ANKRD9: variants seen among roughly 807,000 people sequenced by gnomAD.
ANKRD9 encodes the protein ankyrin repeat domain-containing protein 9.
A neutral mutation model predicts 19.2 loss-of-function variants in ANKRD9; 13 were observed. The ratio of observed to expected loss-of-function variants is 0.68; its 90% CI spans 0.44 to 1.08. The LOEUF (loss-of-function observed/expected upper bound fraction) is 1.08. Among genes scored for constraint, ANKRD9 ranks in the 50% least tolerant of loss-of-function variants. ANKRD9 has a pLI of 0.00. For synonymous variants in ANKRD9, 278 were observed against 256.8 expected (o/e 1.08, Z -0.79); for missense variants, 518 against 499.9 (o/e 1.04, Z -0.34).
In ANKRD9 at chr14:102,508,054, T is replaced by A; in HGVS notation, c.-53-112A>T. The A allele has an allele frequency of 1.4e-6, 1 of 728,936 alleles. No homozygotes were observed. The highest frequency in any genetic ancestry group is 1.7e-6 in the Non-Finnish European group (1 of 578,332). 45.2% of individuals were successfully genotyped at this position (728,936 alleles called of 1,614,324 possible). Reference sequence around the variant, plus strand: ...GGTCCTGGCCCACCAGGCCTGTACCTACCTCCAGCCTCGGCCAGGCCCTTC... The same window carrying A: ...GGTCCTGGCCCACCAGGCCTGTACCAACCTCCAGCCTCGGCCAGGCCCTTC... On this transcript the variant is annotated intron_variant, in intron 3 of 3. Transcript: ENST00000286918. This position sits in a 1 kb window ranked among gnomAD's most constrained non-coding sequence, Gnocchi z 6.2.
In ANKRD9 at chr14:102,505,361, G is replaced by A. The variant is rs1284938104; in HGVS notation, c.*1575C>T. ...ATGCCCCAAGAATTGGGCTTGGAAA[G>A]ATGTTAATATCCACTGCCCCAAGTG... On this transcript the variant is annotated 3_prime_UTR_variant, in exon 4 of 4. Transcript: ENST00000286918. The A allele has an allele frequency of 6.6e-6, 1 of 152,098 alleles. No individual in the cohort carries two copies. Among genetic ancestry groups the A allele is most frequent in the East Asian group, 1.9e-4 (1 of 5,178 alleles). The allele number at this position is 152,098 out of a possible 1,614,324, so 9.4% of individuals were successfully genotyped here. A position where few individuals can be genotyped will look rare whatever the true frequency, so the allele number is the denominator to read the frequency against.
Position 102,503,975 on chromosome 14 carries a change from G to C in ANKRD9, c.*2961C>G, listed in dbSNP as rs1891515170. 1 of 152,324 alleles carries C rather than the reference G, an allele frequency of 6.6e-6. No individual in the cohort carries two copies. The highest frequency in any genetic ancestry group is 2.4e-5 in the African/African-American group (1 of 41,458). 9.4% of individuals were successfully genotyped at this position (152,324 alleles called of 1,614,324 possible). ...ACTATCAGGATGAAGTCAGCACGCA[G>C]AGCAAGGCCAGCGAGGCCCAGGCGC... On this transcript the variant is annotated 3_prime_UTR_variant, in exon 4 of 4. Coordinates refer to ENST00000286918, the MANE Select transcript of ANKRD9 (RefSeq NM_152326.4).
rs78049369 is a variant in ANKRD9 at position 102,504,826 on chromosome 14, C to T, written c.*2110G>A. 0.011 allele frequency: 1,673 copies of T among 152,516 alleles called. 38 individuals carry two copies. Among genetic ancestry groups the T allele is most frequent in the African/African-American group, 0.038 (1,581 of 41,578 alleles). The allele number at this position is 152,516 out of a possible 1,614,324, so 9.4% of individuals were successfully genotyped here. On this transcript the variant is annotated 3_prime_UTR_variant, in exon 4 of 4. Coordinates refer to ENST00000286918, the MANE Select transcript of ANKRD9 (RefSeq NM_152326.4). ...CCTGCTGCAGTGCCCATAATTCTTC[C>T]GGCAGGCCCCGCCCTGCACTCCACG...
rs969079149 is a variant in ANKRD9, at chr14:102,502,898, A to G, written c.*4038T>C. ...CAATCCCCAGTGTTCTACAGTGAAC[A>G]TGAATTTTATAAGCAGAAAGAAATT... On this transcript the variant is annotated 3_prime_UTR_variant, in exon 4 of 4. Transcript: ENST00000286918. The G allele has an allele frequency of 2.0e-5, 3 of 152,216 alleles. No individual in the cohort carries two copies. Among genetic ancestry groups the G allele is most frequent in the African/African-American group, 7.2e-5 (3 of 41,444 alleles). The allele number at this position is 152,216 out of a possible 1,614,324, so 9.4% of individuals were successfully genotyped here. A position where few individuals can be genotyped will look rare whatever the true frequency, so the allele number is the denominator to read the frequency against.
Position 102,507,052 on chromosome 14 carries a change from C to A in ANKRD9, c.838G>T (p.Ala280Ser), listed in dbSNP as rs746651118. The A allele has an allele frequency of 5.1e-6, 8 of 1,569,612 alleles. No homozygotes were observed. The South Asian group carries it at 8.1e-5, about 16-fold the overall frequency. Reference sequence around the variant, plus strand: ...GTGACCAGCACCTGCATGGCGCGCGCGAAGAGCGAGGGCGGCGCCAGGCCC... The same window carrying A: ...GTGACCAGCACCTGCATGGCGCGCGAGAAGAGCGAGGGCGGCGCCAGGCCC... Reference protein sequence around the residue: ...LAGLAPPSLFARAMQVLVTAI... With the variant: ...LAGLAPPSLFSRAMQVLVTAI... Residue 280 changes from alanine (A) to serine (S), a missense_variant, in exon 4 of 4, where the codon GCG becomes TCG. Coordinates refer to ENST00000286918, the MANE Select transcript of ANKRD9 (RefSeq NM_152326.4). This position sits in a 1 kb window ranked among gnomAD's most constrained non-coding sequence, Gnocchi z 9.2.
rs1203289521 is a variant in ANKRD9 at position 102,505,613 on chromosome 14, A to G, written c.*1323T>C. On this transcript the variant is annotated 3_prime_UTR_variant, in exon 4 of 4. Transcript: ENST00000286918. The stretch of plus-strand genomic sequence containing the variant: ...ATGGCCCAAAACCTCCTGAATGGAA[A>G]AACCTTGATGGGGAGACTGAGGGCC... 1 of 152,276 alleles carries G rather than the reference A, an allele frequency of 6.6e-6. No individual in the cohort carries two copies. The highest frequency in any genetic ancestry group is 1.5e-5 in the Non-Finnish European group (1 of 68,088). 9.4% of individuals were successfully genotyped at this position (152,276 alleles called of 1,614,324 possible).
In ANKRD9 at chr14:102,507,549, C is replaced by A. The variant is rs762956615; in HGVS notation, c.341G>T (p.Gly114Val). 15 of 1,342,498 alleles carry A rather than the reference C, an allele frequency of 1.1e-5. 1 individual carries two copies. In the African/African-American group the frequency reaches 2.0e-4, roughly 18 times the overall value. 83.2% of individuals were successfully genotyped at this position (1,342,498 alleles called of 1,614,324 possible). ...SAGFRCCAAP[G>V]PHVALAVRYN... is the part of the protein sequence containing the mutation. ...GCGCACTGCCAGCGCCACGTGCGGCCCGGGAGCCGCGCAGCAGCGGAAGCC... is the reference window on the plus strand; with the variant it reads ...GCGCACTGCCAGCGCCACGTGCGGCACGGGAGCCGCGCAGCAGCGGAAGCC... The change falls in exon 4 of 4, where the codon GGG (glycine) becomes GTG (valine). Residue 114 changes from glycine (G) to valine (V), a missense_variant. Physicochemically the swap from Gly to Val is moderately radical, Grantham distance 109. Transcript: ENST00000286918. The surrounding 1 kb of genome is among the most constrained non-coding windows in gnomAD (Gnocchi z 9.2).
In ANKRD9 at chr14:102,503,689, C is replaced by T. The variant is rs1224280386; in HGVS notation, c.*3247G>A. On this transcript the variant is annotated 3_prime_UTR_variant, in exon 4 of 4. Transcript: ENST00000286918. ...GCATTTTATTACATGTAAGTAACAC[C>T]TCAATCTGAAAAGTATCAGGGCAAC... The T allele has an allele frequency of 1.3e-5, 2 of 152,102 alleles. No homozygotes were observed. Among genetic ancestry groups the T allele is most frequent in the African/African-American group, 4.8e-5 (2 of 41,396 alleles). The allele number at this position is 152,102 out of a possible 1,614,324, so 9.4% of individuals were successfully genotyped here.
In ANKRD9 at chr14:102,507,751, C is replaced by CGGGTAGCA; in HGVS notation, c.131_138dup (p.Val47CysfsTer280). On this transcript the variant is annotated frameshift_variant, in exon 4 of 4. Transcript: ENST00000286918. LOFTEE classifies it high-confidence loss of function. This position sits in a 1 kb window ranked among gnomAD's most constrained non-coding sequence, Gnocchi z 9.2. ...GCGCGCATATCCTCCAGCAGCCACA[C>CGGGTAGCA]GGGTAGCAGGTCGCGCACCGCCTGG... 7.4e-7 allele frequency: 1 copy of CGGGTAGCA among 1,352,720 alleles called. No homozygotes were observed. The highest frequency in any genetic ancestry group is 9.7e-7 in the Non-Finnish European group (1 of 1,032,154). 83.8% of individuals were successfully genotyped at this position (1,352,720 alleles called of 1,614,324 possible).
Position 102,507,363 on chromosome 14 carries a change from A to G in ANKRD9, c.527T>C (p.Phe176Ser). Residue 176 changes from phenylalanine (F) to serine (S), a missense_variant, in exon 4 of 4, where the codon TTC (phenylalanine) becomes TCC (serine). Physicochemically the swap from Phe to Ser is radical, Grantham distance 155. Transcript: ENST00000286918. This position sits in a 1 kb window ranked among gnomAD's most constrained non-coding sequence, Gnocchi z 9.2. ...ACELARPECL[F>S]LLLGHGASPG... The stretch of plus-strand genomic sequence containing the variant: ...CGAGGCGCCGTGGCCCAGCAGCAGG[A>G]AGAGGCACTCGGGGCGCGCCAGCTC... 7.5e-7 allele frequency: 1 copy of G among 1,332,910 alleles called. No individual in the cohort carries two copies. The highest frequency in any genetic ancestry group is 1.5e-5 in the South Asian group (1 of 66,796). 82.6% of individuals were successfully genotyped at this position (1,332,910 alleles called of 1,614,324 possible). A position where few individuals can be genotyped will look rare whatever the true frequency, so the allele number is the denominator to read the frequency against.
chr14:102,506,990 G>A lies in ANKRD9; in HGVS notation c.900C>T (p.Asp300=), dbSNP rs767807845. ...ISPGRFPEAL[D]ELPLPPFLQP... The stretch of plus-strand genomic sequence containing the variant: ...GCAGGAATGGGGGCAGCGGCAGCTC[G>A]TCCAGGGCCTCGGGGAAGCGGCCTG... Residue 300 remains aspartate (D), a synonymous_variant, in exon 4 of 4, where the codon GAC becomes GAT. Coordinates refer to ENST00000286918, the MANE Select transcript of ANKRD9 (RefSeq NM_152326.4). 1.9e-6 allele frequency: 3 copies of A among 1,575,050 alleles called. No homozygotes were observed. The highest frequency in any genetic ancestry group is 2.4e-5 in the East Asian group (1 of 41,776).
chr14:102,507,183 G>GCCAGGAGGT lies in ANKRD9; in HGVS notation c.698_706dup (p.Asp233_Leu235dup). 7.4e-7 allele frequency: 1 copy of GCCAGGAGGT among 1,343,972 alleles called. No homozygotes were observed. The highest frequency in any genetic ancestry group is 9.5e-7 in the Non-Finnish European group (1 of 1,052,874). 83.3% of individuals were successfully genotyped at this position (1,343,972 alleles called of 1,614,324 possible). On this transcript the variant is annotated inframe_insertion, in exon 4 of 4. Transcript: ENST00000286918. This position sits in a 1 kb window ranked among gnomAD's most constrained non-coding sequence, Gnocchi z 9.2. ...GGCGGCACCCACGGGGGTGTACAGC[G>GCCAGGAGGT]CCAGGAGGTCCAGCAGCAGCAGGCG...
In ANKRD9 at chr14:102,506,853, A is replaced by G; in HGVS notation, c.*83T>C. 1 of 1,335,552 alleles carries G rather than the reference A, an allele frequency of 7.5e-7. No individual in the cohort carries two copies. The allele number at this position is 1,335,552 out of a possible 1,614,324, so 82.7% of individuals were successfully genotyped here. ...AGATGAGGCAGAGATTGTGCCGTAC[A>G]GAGATCAATATATATAAAGTGCCGG... On this transcript the variant is annotated 3_prime_UTR_variant, in exon 4 of 4. Coordinates refer to ENST00000286918, the MANE Select transcript of ANKRD9 (RefSeq NM_152326.4).
chr14:102,504,157 G>A lies in ANKRD9; in HGVS notation c.*2779C>T, dbSNP rs992372921. On this transcript the variant is annotated 3_prime_UTR_variant, in exon 4 of 4. Coordinates refer to ENST00000286918, the MANE Select transcript of ANKRD9 (RefSeq NM_152326.4). ...CTATCCTCCCTAACAGGCATTTGGG[G>A]TGCAGAGATGCTGACGCCTGAATAA... 2.0e-5 allele frequency: 3 copies of A among 152,262 alleles called. No homozygotes were observed. Among genetic ancestry groups the A allele is most frequent in the African/African-American group, 7.2e-5 (3 of 41,448 alleles). The allele number at this position is 152,262 out of a possible 1,614,324, so 9.4% of individuals were successfully genotyped here.
In ANKRD9 at chr14:102,507,496, T is replaced by C; in HGVS notation, c.394A>G (p.Ile132Val). Residue 132 changes from isoleucine to valine, a missense_variant, in exon 4 of 4, where the codon ATC (isoleucine) becomes GTC (valine). Transcript: ENST00000286918. The surrounding 1 kb of genome is among the most constrained non-coding windows in gnomAD (Gnocchi z 9.2). ...GGGAAGTCGCGCAAGGTGCGCAGGA[T>C]GCGGCGCAGAATGCCCACGCGGTTG... ...RYNRVGILRR[I>V]LRTLRDFPAE... 16 of 1,381,056 alleles carry C rather than the reference T, an allele frequency of 1.2e-5. No homozygotes were observed. Among genetic ancestry groups the C allele is most frequent in the African/African-American group, 1.5e-5 (1 of 65,018 alleles). 85.6% of individuals were successfully genotyped at this position (1,381,056 alleles called of 1,614,324 possible). A position where few individuals can be genotyped will look rare whatever the true frequency, so the allele number is the denominator to read the frequency against.
In ANKRD9 at chr14:102,507,280, CCAGCTGGCG is replaced by C; in HGVS notation, c.601_609del (p.Arg201_Leu203del). On this transcript the variant is annotated inframe_deletion, in exon 4 of 4. Coordinates refer to ENST00000286918, the MANE Select transcript of ANKRD9 (RefSeq NM_152326.4). The surrounding 1 kb of genome is among the most constrained non-coding windows in gnomAD (Gnocchi z 9.2). ...GAGGGAGTGGCCCCGGCGTCGCGGCCCAGCTGGCGCAGCAGCAGCTCGAGAGGCGTGAGG... is the reference window on the plus strand; with the variant it reads ...GAGGGAGTGGCCCCGGCGTCGCGGCCCAGCAGCAGCTCGAGAGGCGTGAGG... 12 of 1,209,428 alleles carry C rather than the reference CCAGCTGGCG, an allele frequency of 9.9e-6. No homozygotes were observed. Among genetic ancestry groups the C allele is most frequent in the Non-Finnish European group, 1.2e-5 (12 of 970,768 alleles). 74.9% of individuals were successfully genotyped at this position (1,209,428 alleles called of 1,614,324 possible).
chr14:102,507,609 G>T lies in ANKRD9; in HGVS notation c.281C>A (p.Thr94Lys), dbSNP rs867061524. The T allele has an allele frequency of 2.0e-6, 3 of 1,485,494 alleles. No homozygotes were observed. The highest frequency in any genetic ancestry group is 1.2e-5 in the South Asian group (1 of 81,222). 92.0% of individuals were successfully genotyped at this position (1,485,494 alleles called of 1,614,324 possible). ...HQAYAHYLLA[T>K]FPRRALAPPS... ...CGGTGCGAGCGCGCGCCGCGGGAACGTGGCCAGCAGGTAATGCGCGTACGC... is the reference window on the plus strand; with the variant it reads ...CGGTGCGAGCGCGCGCCGCGGGAACTTGGCCAGCAGGTAATGCGCGTACGC... The change falls in exon 4 of 4, where the codon ACG becomes AAG. Residue 94 changes from threonine (T) to lysine (K), a missense_variant. Transcript: ENST00000286918. This position sits in a 1 kb window ranked among gnomAD's most constrained non-coding sequence, Gnocchi z 9.2.
rs1444914384 is a variant in ANKRD9 at position 102,507,478 on chromosome 14, C to A, written c.412G>T (p.Asp138Tyr). The A allele has an allele frequency of 5.0e-6, 7 of 1,399,868 alleles. No homozygotes were observed. Among genetic ancestry groups the A allele is most frequent in the Non-Finnish European group, 5.6e-6 (6 of 1,074,340 alleles). The allele number at this position is 1,399,868 out of a possible 1,614,324, so 86.7% of individuals were successfully genotyped here. A position where few individuals can be genotyped will look rare whatever the true frequency, so the allele number is the denominator to read the frequency against. ...ILRRILRTLR[D>Y]FPAEERARVL... ...CGCGCCCGCTCCTCGGCCGGGAAGT[C>A]GCGCAAGGTGCGCAGGATGCGGCGC... The change falls in exon 4 of 4, where the codon GAC (aspartate) becomes TAC (tyrosine). Residue 138 changes from aspartate to tyrosine, a missense_variant. Transcript: ENST00000286918. This position sits in a 1 kb window ranked among gnomAD's most constrained non-coding sequence, Gnocchi z 9.2.
rs1420769783 is a variant in ANKRD9, at chr14:102,507,502, G to C, written c.388C>G (p.Arg130Gly). ...TCGCGCAAGGTGCGCAGGATGCGGCGCAGAATGCCCACGCGGTTGTAGCGC... is the reference window on the plus strand; with the variant it reads ...TCGCGCAAGGTGCGCAGGATGCGGCCCAGAATGCCCACGCGGTTGTAGCGC... ...AVRYNRVGIL[R>G]RILRTLRDFP... The change falls in exon 4 of 4, where the codon CGC (arginine) becomes GGC (glycine). Residue 130 changes from arginine to glycine, a missense_variant. Coordinates refer to ENST00000286918, the MANE Select transcript of ANKRD9 (RefSeq NM_152326.4). The surrounding 1 kb of genome is among the most constrained non-coding windows in gnomAD (Gnocchi z 9.2). The C allele has an allele frequency of 8.7e-5, 120 of 1,374,736 alleles. No individual in the cohort carries two copies. The highest frequency in any genetic ancestry group is 1.1e-4 in the Non-Finnish European group (115 of 1,062,242). 85.2% of individuals were successfully genotyped at this position (1,374,736 alleles called of 1,614,324 possible).
Sources: gnomAD v4.1 joint callset for allele counts on GRCh38, gnomAD v4.1.1 for gene constraint, Gnocchi (gnomAD v3.1) non-coding constraint, MANE v1.5 for transcripts, NCBI Gene and HGNC (gene_info 2026-07-23, HGNC 2026-07-21) for gene names.